DLGAP2: variants seen among roughly 807,000 people sequenced by gnomAD.
DLGAP2 encodes the protein disks large-associated protein 2.
Under a neutral mutation model 100.3 loss-of-function variants are expected in DLGAP2, and 26 were observed. The observed-to-expected ratio is 0.26, with a 90% CI of 0.19 to 0.36. DLGAP2 has a LOEUF of 0.36. DLGAP2 is among the 10% of genes least tolerant of loss of function. DLGAP2 has a pLI of 1.00. For synonymous variants in DLGAP2, 886 were observed against 630.1 expected (o/e 1.41, Z -6.08); for missense variants, 1,858 against 1,453.2 (o/e 1.28, Z -4.53).
chr8:1,151,781 C>T (rs933078007), intron 2 of DLGAP2, among the ~76,000 whole-genome samples: 1 of 152,188 alleles, frequency 6.6e-6, no homozygotes, highest in Non-Finnish European at 1.5e-5. Flanking sequence ...GTTCTGTTTA[C>T]ACGAACTACT....
At chr8:1,497,139 G>A (rs934633256) in intron 3 of DLGAP2, among the ~76,000 whole-genome samples, 71 of 152,296 alleles carry the variant, frequency 4.7e-4, no homozygotes, top group Admixed American at 4.0e-3. Context: ...GAGTTGCCGC[G>A]GTGAAAGACT....
intron 6 of DLGAP2, among the ~76,000 whole-genome samples, chr8:1,605,712 C>G (rs1011547759): frequency 1.3e-5 from 2 of 152,224 alleles, no homozygotes; most frequent in Non-Finnish European, 2.9e-5. Context: ...TGCTAACTGT[C>G]CGAGCCCACA....
chr8:1,144,850 C>A (rs1283912209), intron 2 of DLGAP2, among the ~76,000 whole-genome samples: 1 of 152,072 alleles, frequency 6.6e-6, no homozygotes, highest in Non-Finnish European at 1.5e-5. Context: ...AGTCAGACCG[C>A]AGACGGCCTG....
intron 2 of DLGAP2, among the ~76,000 whole-genome samples, chr8:1,215,965 G>A (rs572096567): frequency 1.4e-4 from 21 of 151,994 alleles, no homozygotes; most frequent in African/African-American, 4.6e-4. Flanking sequence ...ACCTGGAGAC[G>A]TCCAGGTACC....
chr8:1,527,585 A>T (rs1466798581), intron 4 of DLGAP2, among the ~76,000 whole-genome samples: 1 of 152,244 alleles, frequency 6.6e-6, no homozygotes, highest in Non-Finnish European at 1.5e-5. Context: ...AGAGTGAGAA[A>T]AGTTTCTATT....
intron 2 of DLGAP2, among the ~76,000 whole-genome samples, chr8:1,010,739 C>T (rs1274407870): frequency 6.6e-6 from 1 of 152,200 alleles, no homozygotes; most frequent in Non-Finnish European, 1.5e-5. Flanking sequence ...TTGATTTTTG[C>T]CCTCAGAAAT....
At chr8:1,169,150 A>G (rs543270195) in intron 2 of DLGAP2, among the ~76,000 whole-genome samples, 1 of 151,434 alleles carries the variant, frequency 6.6e-6, no homozygotes, top group Non-Finnish European at 1.5e-5. Flanking sequence ...TCCTTTCCCC[A>G]TTGCTTGTTT....
chr8:778,716 G>A (rs878984630), intron 1 of DLGAP2, among the ~76,000 whole-genome samples: 7 of 152,318 alleles, frequency 4.6e-5, no homozygotes, highest in African/African-American at 9.6e-5. Flanking sequence ...CTCCAGCTGC[G>A]TACTGGGAGA....
chr8:1,539,486 A>G (rs1425835661), intron 4 of DLGAP2, among the ~76,000 whole-genome samples: 2 of 152,148 alleles, frequency 1.3e-5, no homozygotes, highest in Admixed American at 6.5e-5. Flanking sequence ...GAGTTGAGTG[A>G]GAATTTAACT....
At chr8:1,489,056 T>C (rs1799302364) in intron 3 of DLGAP2, among the ~76,000 whole-genome samples, 1 of 152,226 alleles carries the variant, frequency 6.6e-6, no homozygotes, top group African/African-American at 2.4e-5. Flanking sequence ...CCAACTTCTT[T>C]AAGGAAGCAA....
chr8:1,065,960 G>A (rs1196441451), intron 2 of DLGAP2, among the ~76,000 whole-genome samples: 1 of 152,240 alleles, frequency 6.6e-6, no homozygotes, highest in African/African-American at 2.4e-5. Flanking sequence ...AGGAGACACT[G>A]CCGAGCTGGA....
At chr8:1,684,882 C>T (rs1214558639) in intron 12 of DLGAP2, among the ~76,000 whole-genome samples, 2 of 152,128 alleles carry the variant, frequency 1.3e-5, no homozygotes, top group Non-Finnish European at 1.5e-5. Context: ...CAAGGGAGCA[C>T]ATGTACACAC....
At chr8:1,291,799 A>G (rs1800066316) in intron 3 of DLGAP2, among the ~76,000 whole-genome samples, 1 of 152,090 alleles carries the variant, frequency 6.6e-6, no homozygotes, top group South Asian at 2.1e-4. Context: ...CATACGAGCA[A>G]ATCCATCTCA....
chr8:988,036 A>C (rs1563130204), intron 2 of DLGAP2, among the ~76,000 whole-genome samples: 3 of 152,164 alleles, frequency 2.0e-5, no homozygotes, highest in Non-Finnish European at 2.9e-5. Context: ...CTCCATGTGC[A>C]CCTGACTGGG....
At chr8:925,561 C>T (rs1220111158) in intron 2 of DLGAP2, among the ~76,000 whole-genome samples, 1 of 152,104 alleles carries the variant, frequency 6.6e-6, no homozygotes, top group African/African-American at 2.4e-5. Context: ...TGGATGTCCA[C>T]ATTGTGGACG....
intron 3 of DLGAP2, among the ~76,000 whole-genome samples, chr8:1,288,587 A>T (rs1357426610): frequency 6.7e-5 from 8 of 119,692 alleles, no homozygotes; most frequent in South Asian, 6.0e-4. Context: ...GTTTCAGTTG[A>T]GTGTGTGTGT....
At chr8:1,066,829 T>C (rs1173364178) in intron 2 of DLGAP2, among the ~76,000 whole-genome samples, 1 of 152,232 alleles carries the variant, frequency 6.6e-6, no homozygotes, top group Non-Finnish European at 1.5e-5. Flanking sequence ...AAAAAGACCC[T>C]GATGGGACGT....
At chr8:797,014 C>T (rs1388510153) in intron 1 of DLGAP2, among the ~76,000 whole-genome samples, 1 of 152,216 alleles carries the variant, frequency 6.6e-6, no homozygotes, top group African/African-American at 2.4e-5. Flanking sequence ...GTATCTTGTA[C>T]TTAAAATGTA....
At chr8:1,157,322 C>G (rs1382674491) in intron 2 of DLGAP2, among the ~76,000 whole-genome samples, 1 of 152,156 alleles carries the variant, frequency 6.6e-6, no homozygotes, top group African/African-American at 2.4e-5. Context: ...AGCCATTTCA[C>G]CGATGGATGC....
Sources: allele counts gnomAD v4.1 joint callset (sites outside exome capture counted in the v4.1 genomes callset), GRCh38; gene constraint gnomAD v4.1.1; transcripts MANE v1.5; gene names NCBI Gene and HGNC (gene_info 2026-07-23, HGNC 2026-07-21).